ITGBL1: variants seen among roughly 807,000 people sequenced by gnomAD.
The protein encoded by ITGBL1 is integrin subunit beta like 1, also known as integrin beta-like protein 1.
In ITGBL1, 51 loss-of-function variants were observed where a neutral mutation model predicts 68.5. That is an observed-to-expected ratio of 0.74 (90% CI 0.59 to 0.94). ITGBL1 has a LOEUF of 0.94. Among genes scored for constraint, ITGBL1 ranks in the 40% least tolerant of loss-of-function variants. ITGBL1 has a pLI of 0.00. For missense variants in ITGBL1, 649 were observed against 647.4 expected (o/e 1.00, Z -0.03); for synonymous variants, 209 against 227.3 (o/e 0.92, Z 0.72).
chr13:101,509,132 C>T (rs1408087391), intron 2 of ITGBL1, among the ~76,000 whole-genome samples: 1 of 152,124 alleles, frequency 6.6e-6, no homozygotes, highest in African/African-American at 2.4e-5. Flanking sequence ...GGGGAGGCCT[C>T]ACAATCATGG....
intron 7 of ITGBL1, among the ~76,000 whole-genome samples, chr13:101,690,977 G>A (rs1166500403): frequency 6.6e-6 from 1 of 152,142 alleles, no homozygotes; most frequent in Non-Finnish European, 1.5e-5. Context: ...GCAGCAACCT[G>A]GGGAAGCAAG....
At chr13:101,693,718 G>A (rs554208117) in intron 8 of ITGBL1, among the ~76,000 whole-genome samples, 1 of 151,814 alleles carries the variant, frequency 6.6e-6, no homozygotes, top group East Asian at 1.9e-4. Context: ...CCATATGCCT[G>A]TTCTCTCTCT....
chr13:101,697,248 G>T (rs187922675), intron 8 of ITGBL1, among the ~76,000 whole-genome samples: 37 of 151,858 alleles, frequency 2.4e-4, no homozygotes, highest in East Asian at 9.7e-4. Context: ...AAAATATATA[G>T]AGAGAAATGG....
chr13:101,600,708 G>T (rs2030314372), intron 7 of ITGBL1, among the ~76,000 whole-genome samples: 1 of 152,158 alleles, frequency 6.6e-6, no homozygotes, highest in Non-Finnish European at 1.5e-5. Flanking sequence ...TGTGATTTTT[G>T]TCTTTGGTTC....
intron 2 of ITGBL1, among the ~76,000 whole-genome samples, chr13:101,558,762 T>C (rs754246639): frequency 1.3e-5 from 2 of 152,138 alleles, no homozygotes; most frequent in Non-Finnish European, 2.9e-5. Context: ...ACATTTTTAA[T>C]TTACCAGACA....
At chr13:101,573,948 T>A (rs1360577396) in intron 3 of ITGBL1, among the ~76,000 whole-genome samples, 1 of 152,132 alleles carries the variant, frequency 6.6e-6, no homozygotes, top group Non-Finnish European at 1.5e-5. Flanking sequence ...TCTAAACTCA[T>A]CGCATCATGT....
chr13:101,463,563 G>T (rs9582488), intron 2 of ITGBL1, among the ~76,000 whole-genome samples: 12,105 of 152,026 alleles, frequency 0.08, 1,432 homozygotes, highest in African/African-American at 0.26. Flanking sequence ...GAATTTTCAT[G>T]CTTTTTCTCT....
rs1178283636 is a variant in ITGBL1, at chr13:101,539,266, T to C, written c.317-28433T>C. Among the ~76,000 whole-genome samples the C allele has an allele frequency of 2.1e-5, 3 of 144,630 alleles. No homozygotes were observed. The Admixed American group carries it at 2.1e-4, about 10-fold the overall frequency. 94.9% of individuals were successfully genotyped at this position (144,630 alleles called of 152,430 possible). On this transcript the variant is annotated intron_variant, in intron 2 of 10. Transcript: ENST00000376180. Reference sequence around the variant, plus strand: ...CCCTTCCTGTGTCCATGTGTTCTCATTGTTCAATTCCCACCTGTGAGTGAG... The same window carrying C: ...CCCTTCCTGTGTCCATGTGTTCTCACTGTTCAATTCCCACCTGTGAGTGAG...
rs2139462549 is a variant in ITGBL1, at chr13:101,655,164, G to A, written c.1016-37421G>A. 1.3e-5 allele frequency among the ~76,000 whole-genome samples: 2 copies of A among 152,316 alleles called. 1 individual carries two copies. Among genetic ancestry groups the A allele is most frequent in the African/African-American group, 4.8e-5 (2 of 41,584 alleles). ...GCTTAAAAGCAAAGTGTGCCATGAAGGCGGGGATCTTGGCAAAGAGGAGAA... is the reference window on the plus strand; with the variant it reads ...GCTTAAAAGCAAAGTGTGCCATGAAAGCGGGGATCTTGGCAAAGAGGAGAA... On this transcript the variant is annotated intron_variant, in intron 7 of 10. Transcript: ENST00000376180.
At chr13:101,567,944 G>C (rs1225865349) in intron 3 of ITGBL1, 99 bp downstream of exon 3, 5 of 912,934 alleles carry the variant, frequency 5.5e-6, no homozygotes, top group Non-Finnish European at 8.3e-6. Flanking sequence ...CTCAGAGTGA[G>C]TCTGCTTTTG....
downstream of ITGBL1, chr13:101,717,639 C>T (rs565983264): frequency 2.1e-4 from 32 of 151,754 alleles, no homozygotes; most frequent in African/African-American, 7.0e-4. Flanking sequence ...ACTTTACGGA[C>T]CACGTACGTC....
At chr13:101,477,498 A>G (rs2048554899) in intron 2 of ITGBL1, among the ~76,000 whole-genome samples, 1 of 152,056 alleles carries the variant, frequency 6.6e-6, no homozygotes, top group South Asian at 2.1e-4. Context: ...GCCGAAATAA[A>G]TGAGATCAAA....
At chr13:101,713,827 T>C (rs1031444274) in intron 9 of ITGBL1, 2 of 152,118 alleles carry the variant, frequency 1.3e-5, no homozygotes, top group Non-Finnish European at 2.9e-5. Context: ...ATATGAACTT[T>C]GGGAGTAATT....
At chr13:101,704,590 G>A (rs1217762571) in intron 8 of ITGBL1, among the ~76,000 whole-genome samples, 3 of 151,860 alleles carry the variant, frequency 2.0e-5, no homozygotes, top group African/African-American at 7.3e-5. Context: ...GACTTGCAAG[G>A]AGAGAAAGTG....
At chr13:101,603,598 A>T (rs1331477903) in intron 7 of ITGBL1, among the ~76,000 whole-genome samples, 1 of 151,882 alleles carries the variant, frequency 6.6e-6, no homozygotes, top group African/African-American at 2.4e-5. Flanking sequence ...AAATAATTTT[A>T]CATTATTATT....
In ITGBL1 at chr13:101,583,306, A is replaced by G; in HGVS notation, c.818A>G (p.Glu273Gly). The G allele has an allele frequency of 6.2e-7, 1 of 1,612,930 alleles. No homozygotes were observed. Among genetic ancestry groups the G allele is most frequent in the Non-Finnish European group, 8.5e-7 (1 of 1,179,548 alleles). The change falls in exon 6 of 11, where the codon GAG becomes GGG. Residue 273 changes from glutamate (E) to glycine (G), a missense_variant. By Grantham distance (98) the Glu-to-Gly change is moderately conservative. Transcript: ENST00000376180. The stretch of plus-strand genomic sequence containing the variant: ...CATGGGGACACCTGTGAATGTGATG[A>G]GAGGGACTGTAGAGCTGTCTATGAC... ...DIHGDTCECD[E>G]RDCRAVYDRY... is the part of the protein sequence containing the mutation.
chr13:101,692,530 C>T lies in ITGBL1; in HGVS notation c.1016-55C>T, dbSNP rs1218341658. 5.0e-6 allele frequency: 6 copies of T among 1,189,756 alleles called. No homozygotes were observed. The African/African-American group carries it at 9.0e-5, about 18-fold the overall frequency. 73.7% of individuals were successfully genotyped at this position (1,189,756 alleles called of 1,614,324 possible). A position where few individuals can be genotyped will look rare whatever the true frequency, so the allele number is the denominator to read the frequency against. On this transcript the variant is annotated intron_variant, in intron 7 of 10. Coordinates refer to ENST00000376180, the MANE Select transcript of ITGBL1 (RefSeq NM_004791.3). Reference sequence around the variant, plus strand: ...AATAGTGTGCTCACCTCCTTGAAAGCCTTAGTGATTCCGGGACTCTCCTCA... The same window carrying T: ...AATAGTGTGCTCACCTCCTTGAAAGTCTTAGTGATTCCGGGACTCTCCTCA...
chr13:101,675,043 A>G (rs2033467257), intron 7 of ITGBL1, among the ~76,000 whole-genome samples: 15 of 152,134 alleles, frequency 9.9e-5, no homozygotes, highest in Admixed American at 9.8e-4. Flanking sequence ...TTTGCCTTCA[A>G]ATGAAAGGAT....
Position 101,633,072 on chromosome 13 carries a change from G to A in ITGBL1, c.1015+34773G>A, listed in dbSNP as rs149888460. On this transcript the variant is annotated intron_variant, in intron 7 of 10. Coordinates refer to ENST00000376180, the MANE Select transcript of ITGBL1 (RefSeq NM_004791.3). Reference sequence around the variant, plus strand: ...AGGATAGATGAGTGCTCTGGATAATGAACTTTCTGTTGGAATTGGAAGGGC... The same window carrying A: ...AGGATAGATGAGTGCTCTGGATAATAAACTTTCTGTTGGAATTGGAAGGGC... 7.2e-5 allele frequency among the ~76,000 whole-genome samples: 11 copies of A among 152,296 alleles called. No homozygotes were observed. In the South Asian group the frequency reaches 2.3e-3, roughly 32 times the overall value.
Sources: gnomAD v4.1 joint callset for allele counts (sites outside exome capture counted in the v4.1 genomes callset) on GRCh38, gnomAD v4.1.1 for gene constraint, MANE v1.5 for transcripts, NCBI Gene and HGNC (gene_info 2026-07-23, HGNC 2026-07-21) for gene names.